FRAS1: variants seen among roughly 807,000 people sequenced by gnomAD.
The protein encoded by FRAS1 is extracellular matrix organizing protein FRAS1.
In FRAS1, 290 loss-of-function variants were observed where a neutral mutation model predicts 435.2. The ratio of observed to expected loss-of-function variants is 0.67; its 90% CI spans 0.61 to 0.73. The LOEUF is 0.73. Among genes scored for constraint, FRAS1 ranks in the 30% least tolerant of loss-of-function variants. FRAS1 has a pLI of 0.00. For missense variants in FRAS1, 4,860 were observed against 5,001.5 expected, an observed-to-expected ratio of 0.97 and a Z score of 0.85; for synonymous variants, 1,800 against 1,851.0, an observed-to-expected ratio of 0.97 and a Z score of 0.71.
chr4:78,119,095 C>T lies in FRAS1; in HGVS notation c.108+53079C>T, dbSNP rs529216558. Among the ~76,000 whole-genome samples the T allele has an allele frequency of 1.6e-3, 242 of 152,124 alleles. 2 individuals are homozygous for T. The highest frequency in any genetic ancestry group is 5.2e-3 in the African/African-American group (217 of 41,476). ...AATAATTGTATATATTCATGAGGTA[C>T]GTAAGGATGTTTTAATACATATAAT... is the stretch of plus-strand genomic sequence containing the variant. On this transcript the variant is annotated intron_variant, in intron 2 of 73. Transcript: ENST00000512123.
intron 29 of FRAS1, among the ~76,000 whole-genome samples, chr4:78,389,126 C>T (rs948778329): frequency 4.6e-5 from 7 of 152,316 alleles, no homozygotes; most frequent in East Asian, 3.9e-4. Context: ...CTAGGCTGAG[C>T]CATTGCTAGA....
chr4:78,383,675 T>A (rs1447293022), intron 27 of FRAS1, among the ~76,000 whole-genome samples: 1 of 152,174 alleles, frequency 6.6e-6, no homozygotes. Flanking sequence ...GAAGAGGGAA[T>A]CGTGGAGAAC....
chr4:78,118,921 G>A (rs890303059), intron 2 of FRAS1, among the ~76,000 whole-genome samples: 1 of 152,170 alleles, frequency 6.6e-6, no homozygotes, highest in Non-Finnish European at 1.5e-5. Context: ...CACGCTGGGA[G>A]CTGTAGACTG....
At chr4:78,310,001 G>A (rs1728952656) in intron 15 of FRAS1, among the ~76,000 whole-genome samples, 1 of 152,178 alleles carries the variant, frequency 6.6e-6, no homozygotes, top group African/African-American at 2.4e-5. Context: ...ACTTGTCTTA[G>A]AGAAGAGAGC....
chr4:78,251,089 C>A (rs1321668860), intron 4 of FRAS1, among the ~76,000 whole-genome samples: 1 of 152,114 alleles, frequency 6.6e-6, no homozygotes, highest in East Asian at 1.9e-4. Context: ...TAAATCCTAT[C>A]AATTTTCTTT....
At chr4:78,196,878 A>C (rs530558476) in intron 2 of FRAS1, among the ~76,000 whole-genome samples, 1 of 152,166 alleles carries the variant, frequency 6.6e-6, no homozygotes, top group Non-Finnish European at 1.5e-5. Context: ...GAATCATGGG[A>C]TTCCATAAGT....
chr4:78,436,474 A>G (rs894277995), intron 38 of FRAS1, among the ~76,000 whole-genome samples: 3 of 152,234 alleles, frequency 2.0e-5, no homozygotes, highest in Non-Finnish European at 2.9e-5. Context: ...TTACTACCCA[A>G]AAGAAACTTT....
intron 29 of FRAS1, among the ~76,000 whole-genome samples, chr4:78,392,982 A>T (rs554404908): frequency 1.1e-4 from 16 of 151,174 alleles, no homozygotes; most frequent in Non-Finnish European, 1.9e-4. Flanking sequence ...GTTCATCATG[A>T]TGAGTGGGAA....
intron 67 of FRAS1, 71 bp downstream of exon 67, chr4:78,519,552 T>G: frequency 6.6e-7 from 1 of 1,524,752 alleles, no homozygotes; most frequent in Non-Finnish European, 8.9e-7. Flanking sequence ...AGAAGAGTAG[T>G]GACTTTTAAC....
chr4:78,138,318 A>C (rs185707148), intron 2 of FRAS1, among the ~76,000 whole-genome samples: 215 of 152,330 alleles, frequency 1.4e-3, no homozygotes, highest in African/African-American at 4.8e-3. Context: ...AAGGCCATAG[A>C]AGCATTTAGG....
intron 2 of FRAS1, among the ~76,000 whole-genome samples, chr4:78,183,198 A>T (rs1030600468): frequency 6.6e-6 from 1 of 152,196 alleles, no homozygotes; most frequent in Non-Finnish European, 1.5e-5. Flanking sequence ...CATCTTCCAC[A>T]GGTGCAGTTT....
chr4:78,135,228 T>G (rs1719873010), intron 2 of FRAS1, among the ~76,000 whole-genome samples: 1 of 152,190 alleles, frequency 6.6e-6, no homozygotes, highest in Non-Finnish European at 1.5e-5. Flanking sequence ...TCATAGTCAG[T>G]CTTCCTCTTT....
chr4:78,160,025 C>T (rs1437971398), intron 2 of FRAS1, among the ~76,000 whole-genome samples: 1 of 152,204 alleles, frequency 6.6e-6, no homozygotes, highest in Non-Finnish European at 1.5e-5. Context: ...TCATCTCCAA[C>T]CTCTTATCCG....
intron 27 of FRAS1, 128 bp from the exon 28 acceptor site, chr4:78,383,931 G>T: frequency 1.6e-6 from 1 of 644,686 alleles, no homozygotes; most frequent in South Asian, 2.0e-5. Context: ...GTATGAGTGT[G>T]ACATTACTGC....
chr4:78,164,272 C>T (rs774412038), intron 2 of FRAS1, among the ~76,000 whole-genome samples: 1 of 152,040 alleles, frequency 6.6e-6, no homozygotes, highest in African/African-American at 2.4e-5. Flanking sequence ...GATGCTTGGA[C>T]CTCTGTGAAA....
chr4:78,198,384 T>G lies in FRAS1; in HGVS notation c.109-39126T>G, dbSNP rs369493591. 9.1e-4 allele frequency among the ~76,000 whole-genome samples: 125 copies of G among 136,776 alleles called. 1 individual carries two copies. Among genetic ancestry groups the G allele is most frequent in the African/African-American group, 3.3e-3 (123 of 37,050 alleles). 89.7% of individuals were successfully genotyped at this position (136,776 alleles called of 152,430 possible). A position where few individuals can be genotyped will look rare whatever the true frequency, so the allele number is the denominator to read the frequency against. Reference sequence around the variant, plus strand: ...AACCTTTGCATTAGCATTTCCTCTGTCTTGATCTCATTCTTCTCTTCCACT... The same window carrying G: ...AACCTTTGCATTAGCATTTCCTCTGGCTTGATCTCATTCTTCTCTTCCACT... On this transcript the variant is annotated intron_variant, in intron 2 of 73. Transcript: ENST00000512123.
intron 15 of FRAS1, among the ~76,000 whole-genome samples, chr4:78,314,049 C>T (rs1437022254): frequency 6.6e-6 from 1 of 152,088 alleles, no homozygotes; most frequent in East Asian, 1.9e-4. Context: ...TTTTTTCTCT[C>T]CCTTATCTTT....
chr4:78,429,302 T>G, intron 36 of FRAS1, 76 bp downstream of exon 36: 1 of 1,488,094 alleles, frequency 6.7e-7, no homozygotes, highest in Non-Finnish European at 9.0e-7. Context: ...AACCTCTTGA[T>G]GGTTGCCAAA....
chr4:78,445,976 C>T, intron 42 of FRAS1: 1 of 1,274,456 alleles, frequency 7.8e-7, no homozygotes, highest in Non-Finnish European at 9.9e-7. Flanking sequence ...GTCAGAGATG[C>T]TTTGCCAGTC....
Sources: gnomAD v4.1 joint callset for allele counts (sites outside exome capture counted in the v4.1 genomes callset) on GRCh38, gnomAD v4.1.1 for gene constraint, MANE v1.5 for transcripts, NCBI Gene and HGNC (gene_info 2026-07-23, HGNC 2026-07-21) for gene names.